ABLIM1: variants seen among roughly 807,000 people sequenced by gnomAD.
The protein encoded by ABLIM1 is actin binding LIM protein 1, also known as actin-binding LIM protein 1.
ABLIM1 carries 40 observed loss-of-function variants against 107.0 expected under a neutral mutation model. That is an observed-to-expected ratio of 0.37 (90% CI 0.29 to 0.49). The LOEUF is 0.49. ABLIM1 is among the 20% of genes least tolerant of loss of function. The pLI is 0.97. For synonymous variants in ABLIM1, 357 were observed against 357.3 expected (o/e 1.00, Z 0.01); for missense variants, 857 against 1,008.5 (o/e 0.85, Z 2.04).
intron 6 of ABLIM1, among the ~76,000 whole-genome samples, chr10:114,535,119 G>A (rs2065856283): frequency 6.6e-6 from 1 of 152,196 alleles, no homozygotes. Context: ...CTCCAGTAAA[G>A]TGTTGCAAAA....
In ABLIM1 at chr10:114,471,670, T is replaced by C. The variant is rs527869348; in HGVS notation, c.1275+1307A>G. On this transcript the variant is annotated intron_variant, in intron 10 of 22. Coordinates refer to ENST00000533213, the MANE Select transcript of ABLIM1 (RefSeq NM_002313.7). ...AAATAAATAAAAGGAACAATATATATAAAATAAAAAATAAACATAAATATA... is the reference window on the plus strand; with the variant it reads ...AAATAAATAAAAGGAACAATATATACAAAATAAAAAATAAACATAAATATA... 1.8e-4 allele frequency among the ~76,000 whole-genome samples: 27 copies of C among 151,894 alleles called. No homozygotes were observed. The Middle Eastern group carries it at 0.01, about 57-fold the overall frequency.
At chr10:114,718,361 T>C (rs1390574227) in intron 1 of ABLIM1, among the ~76,000 whole-genome samples, 1 of 152,164 alleles carries the variant, frequency 6.6e-6, no homozygotes, top group African/African-American at 2.4e-5. Context: ...ACACACGTTT[T>C]CTCTACTGTA....
At chr10:114,733,183 G>T (rs1426633062) in intron 1 of ABLIM1, among the ~76,000 whole-genome samples, 1 of 152,162 alleles carries the variant, frequency 6.6e-6, no homozygotes, top group Non-Finnish European at 1.5e-5. Flanking sequence ...GATTGGGTGG[G>T]ATGCCAGGTA....
chr10:114,736,699 A>G lies in ABLIM1; in HGVS notation c.-213+31362T>C, dbSNP rs1463495368. The stretch of plus-strand genomic sequence containing the variant: ...ATTACTTCATATATTTCTGCTTTTA[A>G]AACCCGATGTAATGCAATGATGCTT... On this transcript the variant is annotated intron_variant, in intron 1 of 15. Coordinates refer to the ABLIM1 transcript ENST00000651092. Among the ~76,000 whole-genome samples, 4 of 152,210 alleles carry G rather than the reference A, an allele frequency of 2.6e-5. No individual in the cohort carries two copies. The East Asian group carries it at 7.7e-4, about 29-fold the overall frequency.
rs567330363 is a variant in ABLIM1 at position 114,690,386 on chromosome 10, A to G, written c.-213+77675T>C. The G allele has an allele frequency of 2.9e-5, 46 of 1,605,824 alleles. 1 individual carries two copies. Among genetic ancestry groups the G allele is most frequent in the Admixed American group, 8.3e-5 (5 of 59,984 alleles). On this transcript the variant is annotated intron_variant, in intron 1 of 15. Transcript: ENST00000651092. ...CTGTATGCTTTAGGATGAAGTTCTC[A>G]TCATCAAATTTCTCCCCATAGATGG...
At chr10:114,795,509 C>T in the ABLIM1 span, among the ~76,000 whole-genome samples, 1 of 152,106 alleles carries the variant, frequency 6.6e-6, no homozygotes. Context: ...GAGTTTGAGA[C>T]CAGCCTGGCC....
the ABLIM1 span, among the ~76,000 whole-genome samples, chr10:114,801,008 C>T: frequency 6.6e-6 from 1 of 152,286 alleles, no homozygotes; most frequent in South Asian, 2.1e-4. Flanking sequence ...CTACTGTTGA[C>T]TAGAAGCCTT....
At chr10:114,547,558 T>C (rs1003953218) in intron 5 of ABLIM1, 92 bp downstream of exon 5, 1 of 1,531,304 alleles carries the variant, frequency 6.5e-7, no homozygotes, top group African/African-American at 1.4e-5. Flanking sequence ...TCAGCACCAT[T>C]GATGGGGTGG....
At chr10:114,459,548 A>G (rs1006898364) in intron 12 of ABLIM1, among the ~76,000 whole-genome samples, 1 of 139,864 alleles carries the variant, frequency 7.1e-6, no homozygotes, top group African/African-American at 2.6e-5. Flanking sequence ...CAAAATCTCC[A>G]CCACATATCT....
At chr10:114,631,993 C>T in intron 1 of ABLIM1, 2 of 1,299,400 alleles carry the variant, frequency 1.5e-6, no homozygotes, top group Middle Eastern at 2.3e-4. Context: ...CGCGCCTCGG[C>T]AGACAGATCC....
chr10:114,739,622 A>G (rs1358272778), intron 1 of ABLIM1, among the ~76,000 whole-genome samples: 1 of 152,204 alleles, frequency 6.6e-6, no homozygotes. Context: ...TTCCCATCAT[A>G]TATGCATTGC....
At chr10:114,549,309 G>T (rs1203794397) in intron 4 of ABLIM1, among the ~76,000 whole-genome samples, 2 of 152,134 alleles carry the variant, frequency 1.3e-5, no homozygotes, top group Non-Finnish European at 2.9e-5. Flanking sequence ...GCTTGAACCT[G>T]GGAGGCAGAG....
chr10:114,510,776 G>C (rs1048733308), intron 6 of ABLIM1, among the ~76,000 whole-genome samples: 3 of 151,664 alleles, frequency 2.0e-5, no homozygotes, highest in African/African-American at 7.3e-5. Context: ...TTAGTCTCTT[G>C]AGTAGCTGGG....
At chr10:114,535,702 A>T (rs912806622) in intron 6 of ABLIM1, among the ~76,000 whole-genome samples, 6 of 152,222 alleles carry the variant, frequency 3.9e-5, no homozygotes, top group Non-Finnish European at 8.8e-5. Flanking sequence ...TGTATGTGAA[A>T]TTGAGAGATA....
chr10:114,609,404 T>C (rs7899192), intron 1 of ABLIM1, among the ~76,000 whole-genome samples: 8,390 of 152,300 alleles, frequency 0.055, 760 homozygotes, highest in African/African-American at 0.19. Context: ...GGCGCTTCTC[T>C]GAAGCTTTCA....
At chr10:114,516,782 G>A (rs1056437511) in intron 6 of ABLIM1, among the ~76,000 whole-genome samples, 1 of 152,222 alleles carries the variant, frequency 6.6e-6, no homozygotes, top group Non-Finnish European at 1.5e-5. Context: ...GGGAAAGGCT[G>A]CCATTCAGCT....
chr10:114,436,705 G>A (rs2059448949), intron 22 of ABLIM1, among the ~76,000 whole-genome samples: 1 of 152,128 alleles, frequency 6.6e-6, no homozygotes, highest in Non-Finnish European at 1.5e-5. Flanking sequence ...CAGGGAAAAT[G>A]GACTATCGCA....
chr10:114,781,664 G>GTATATATATA, the ABLIM1 span, among the ~76,000 whole-genome samples: 1,978 of 143,280 alleles, frequency 0.014, 24 homozygotes, highest in Non-Finnish European at 0.022. Context: ...ATATATGCGT[G>GTATATATATA]TATATATATA....
At chr10:114,520,821 A>AT (rs2063623485) in intron 6 of ABLIM1, among the ~76,000 whole-genome samples, 1 of 151,554 alleles carries the variant, frequency 6.6e-6, no homozygotes. Flanking sequence ...AATAATAATA[A>AT]AAAAAAATTA....
Sources: gnomAD v4.1 joint callset for allele counts (sites outside exome capture counted in the v4.1 genomes callset) on GRCh38, gnomAD v4.1.1 for gene constraint, MANE v1.5 for transcripts, NCBI Gene and HGNC (gene_info 2026-07-23, HGNC 2026-07-21) for gene names.